The following NSD1 variants were observed in gnomAD, a reference collection of about 807,000 sequenced individuals.
NSD1 encodes the protein nuclear receptor binding SET domain protein 1.
NSD1 carries 26 observed loss-of-function variants against 242.7 expected under a neutral mutation model. The observed-to-expected ratio is 0.11, with a 90% CI of 0.08 to 0.15. The LOEUF (loss-of-function observed/expected upper bound fraction) is 0.15. Among genes scored for constraint, NSD1 ranks in the 10% least tolerant of loss-of-function variants. The pLI is 1.00. For missense variants in NSD1, 2,495 were observed against 3,272.8 expected, an observed-to-expected ratio of 0.76 and a Z score of 5.80; for synonymous variants, 1,106 against 1,178.1, an observed-to-expected ratio of 0.94 and a Z score of 1.25.
chr5:177,290,409 T>C (rs1038223416), intron 21 of NSD1, among the ~76,000 whole-genome samples: 2 of 73,922 alleles, frequency 2.7e-5, no homozygotes, highest in African/African-American at 9.4e-5. Context: ...AGTAAATAAA[T>C]TTTTTTTTTT....
chr5:177,207,828 C>T (rs563220719), intron 4 of NSD1, among the ~76,000 whole-genome samples: 2 of 152,022 alleles, frequency 1.3e-5, no homozygotes, highest in African/African-American at 2.4e-5. Flanking sequence ...CTGCAACTTT[C>T]ACCTCCTGGG....
intron 2 of NSD1, among the ~76,000 whole-genome samples, chr5:177,164,149 C>CTTTTTTTTTTTTTTTTTT (rs56076836): frequency 7.2e-6 from 1 of 138,392 alleles, no homozygotes; most frequent in Non-Finnish European, 1.5e-5. Context: ...AAAATGTAAC[C>CTTTTTTTTTTTTTTTTTT]TTTTTTTTTT....
chr5:177,209,528 C>CAA (rs560987364), intron 4 of NSD1, 108 bp from the exon 5 acceptor site: 3,681 of 577,590 alleles, frequency 6.4e-3, no homozygotes, highest in Non-Finnish European at 8.1e-3. Flanking sequence ...GACTCTGTCT[C>CAA]AAAAAAAAAA....
chr5:177,224,118 C>A (rs1404377759), intron 5 of NSD1, among the ~76,000 whole-genome samples: 1 of 151,872 alleles, frequency 6.6e-6, no homozygotes, highest in Non-Finnish European at 1.5e-5. Context: ...TTAACTTTAC[C>A]CTTTTTCAAG....
chr5:177,181,502 T>G lies in NSD1; in HGVS notation c.928-10382T>G, dbSNP rs944798663. Among the ~76,000 whole-genome samples the G allele has an allele frequency of 1.2e-4, 17 of 137,562 alleles. No individual in the cohort carries two copies. The Admixed American group carries it at 1.3e-3, about 11-fold the overall frequency. The allele number at this position is 137,562 out of a possible 152,430, so 90.2% of individuals were successfully genotyped here. ...GCGCATTGGCACAATCTCATCTCAC[T>G]GCAACCTCCAACTCGCGGGTTCAAG... On this transcript the variant is annotated intron_variant, in intron 2 of 22. Coordinates refer to ENST00000439151, the MANE Select transcript of NSD1 (RefSeq NM_022455.5).
chr5:177,266,252 TC>T, intron 14 of NSD1: 1 of 776,898 alleles, frequency 1.3e-6, no homozygotes, highest in Non-Finnish European at 2.3e-6. Flanking sequence ...CTCTATCTCC[TC>T]CACCTTCCCC....
chr5:177,293,928 G>GAGA lies in NSD1; in HGVS notation c.6563_6565dup (p.Glu2188dup). 6.2e-7 allele frequency: 1 copy of GAGA among 1,614,104 alleles called. No homozygotes were observed. The highest frequency in any genetic ancestry group is 8.5e-7 in the Non-Finnish European group (1 of 1,180,012). Reference sequence around the variant, plus strand: ...CCCAGCTCCTTTTGTAAGCAGCATCGAGAAGGGATGCTTTTCATTTCCAAA... The same window carrying GAGA: ...CCCAGCTCCTTTTGTAAGCAGCATCGAGAAGAAGGGATGCTTTTCATTTCCAAA... On this transcript the variant is annotated inframe_insertion, in exon 23 of 23. Transcript: ENST00000439151.
chr5:177,217,281 T>C (rs957889808), intron 5 of NSD1, among the ~76,000 whole-genome samples: 2 of 152,212 alleles, frequency 1.3e-5, no homozygotes, highest in African/African-American at 2.4e-5. Flanking sequence ...TGTGATTGTT[T>C]TAATTTCCTT....
In NSD1 at chr5:177,246,533, C is replaced by T. The variant is rs1001148407; in HGVS notation, c.4379-145C>T. Reference sequence around the variant, plus strand: ...TTGTTATGTCATCATGAGTTAGTCTCAATTATTATTTCCCCCGTTTTCCTA... The same window carrying T: ...TTGTTATGTCATCATGAGTTAGTCTTAATTATTATTTCCCCCGTTTTCCTA... On this transcript the variant is annotated intron_variant, in intron 9 of 22. Transcript: ENST00000439151. The T allele has an allele frequency of 6.1e-5, 42 of 685,790 alleles. No individual in the cohort carries two copies. The Admixed American group carries it at 7.6e-4, about 12-fold the overall frequency. The allele number at this position is 685,790 out of a possible 1,614,324, so 42.5% of individuals were successfully genotyped here. A position where few individuals can be genotyped will look rare whatever the true frequency, so the allele number is the denominator to read the frequency against.
At chr5:177,146,205 GTTTTTTTT>G (rs34454786) in intron 2 of NSD1, among the ~76,000 whole-genome samples, 9 of 115,014 alleles carry the variant, frequency 7.8e-5, no homozygotes, top group Non-Finnish European at 1.4e-4. Flanking sequence ...TTCACCAATC[GTTTTTTTT>G]TTTTTTTTTT....
intron 2 of NSD1, among the ~76,000 whole-genome samples, chr5:177,183,093 A>AT (rs1043962913): frequency 1.3e-5 from 2 of 152,006 alleles, no homozygotes; most frequent in East Asian, 3.9e-4. Context: ...AAGGGGTAAA[A>AT]TTTTTTTGTT....
intron 5 of NSD1, among the ~76,000 whole-genome samples, chr5:177,226,596 AGCCGTGTACTACCAT>A (rs1764649267): frequency 6.6e-6 from 1 of 152,178 alleles, no homozygotes; most frequent in African/African-American, 2.4e-5. Context: ...CTGGGACCAC[AGCCGTGTACTACCAT>A]GCCCAGCTTA....
chr5:177,239,184 C>T (rs1765667345), intron 7 of NSD1, among the ~76,000 whole-genome samples: 1 of 152,012 alleles, frequency 6.6e-6, no homozygotes, highest in South Asian at 2.1e-4. Context: ...GATGTTATTC[C>T]TTAAAGAAAC....
intron 2 of NSD1, among the ~76,000 whole-genome samples, chr5:177,138,703 G>A (rs1166807882): frequency 6.6e-6 from 1 of 151,742 alleles, no homozygotes; most frequent in Non-Finnish European, 1.5e-5. Flanking sequence ...GCAATGGCAT[G>A]ATCTCGGCTC....
At chr5:177,232,674 A>G (rs1055919275) in intron 5 of NSD1, among the ~76,000 whole-genome samples, 1 of 152,236 alleles carries the variant, frequency 6.6e-6, no homozygotes, top group Non-Finnish European at 1.5e-5. Context: ...AATAACCCAC[A>G]TGGGGCAAAA....
chr5:177,190,111 CA>C (rs1462684229), intron 2 of NSD1, among the ~76,000 whole-genome samples: 4 of 152,066 alleles, frequency 2.6e-5, no homozygotes, highest in Non-Finnish European at 5.9e-5. Context: ...CATGCACCAC[CA>C]TGCCCAGCTA....
intron 5 of NSD1, among the ~76,000 whole-genome samples, chr5:177,224,601 A>T (rs1764498844): frequency 1.3e-5 from 2 of 150,806 alleles, no homozygotes; most frequent in Non-Finnish European, 2.9e-5. Flanking sequence ...TAGTAATAGT[A>T]TTTTTTTATG....
intron 20 of NSD1, among the ~76,000 whole-genome samples, chr5:177,285,481 G>A (rs546442477): frequency 8.9e-5 from 13 of 146,822 alleles, no homozygotes; most frequent in African/African-American, 1.5e-4. Flanking sequence ...GGAGAATGGC[G>A]TGAACCCAGG....
At chr5:177,249,795 T>C (rs1485576710) in intron 11 of NSD1, among the ~76,000 whole-genome samples, 2 of 152,214 alleles carry the variant, frequency 1.3e-5, no homozygotes, top group Non-Finnish European at 2.9e-5. Context: ...CCAGTTCTTC[T>C]TTTTTAAATT....
Sources: gnomAD v4.1 joint callset for allele counts (sites outside exome capture counted in the v4.1 genomes callset) on GRCh38, gnomAD v4.1.1 for gene constraint, MANE v1.5 for transcripts, NCBI Gene and HGNC (gene_info 2026-07-23, HGNC 2026-07-21) for gene names.